The following ZNF292 variants were observed in gnomAD, a reference collection of about 807,000 sequenced individuals.
ZNF292 encodes the protein 16 zinc-finger domain protein.
Under a neutral mutation model 217.9 loss-of-function variants are expected in ZNF292, and 26 were observed. The ratio of observed to expected loss-of-function variants is 0.12; its 90% CI spans 0.09 to 0.17. The LOEUF is 0.17. Among genes scored for constraint, ZNF292 ranks in the 10% least tolerant of loss-of-function variants. The pLI is 1.00. For synonymous variants in ZNF292, 1,257 were observed against 1,124.1 expected, an observed-to-expected ratio of 1.12 and a Z score of -2.37; for missense variants, 2,904 against 3,175.2, an observed-to-expected ratio of 0.91 and a Z score of 2.05.
chr6:87,157,261 T>A (rs1770573793), intron 1 of ZNF292, among the ~76,000 whole-genome samples: 1 of 152,224 alleles, frequency 6.6e-6, no homozygotes, highest in Admixed American at 6.5e-5. Flanking sequence ...TAAATAGGTC[T>A]GGTGAGTACC....
In ZNF292 at chr6:87,257,235, A is replaced by C; in HGVS notation, c.3606A>C (p.Pro1202=). The C allele has an allele frequency of 6.2e-7, 1 of 1,613,822 alleles. No individual in the cohort carries two copies. Among genetic ancestry groups the C allele is most frequent in the Non-Finnish European group, 8.5e-7 (1 of 1,179,832 alleles). The change falls in exon 8 of 8, where the codon CCA becomes CCC. Residue 1202 remains proline, a synonymous_variant. Transcript: ENST00000369577. The stretch of plus-strand genomic sequence containing the variant: ...CTCATTTAGCAAGTGTGTCAACTCC[A>C]TTGTTGTCCTCAATGGAAAGTGTCA... ...FPAHLASVST[P]LLSSMESVIN... is the part of the protein sequence containing the mutation.
chr6:87,232,265 G>GT (rs2127823068), intron 4 of ZNF292, among the ~76,000 whole-genome samples: 1 of 152,188 alleles, frequency 6.6e-6, no homozygotes, highest in South Asian at 2.1e-4. Flanking sequence ...GTGGAGTACA[G>GT]TTAGATCTAA....
At chr6:87,221,078 G>A (rs967711552) in intron 4 of ZNF292, among the ~76,000 whole-genome samples, 7 of 152,118 alleles carry the variant, frequency 4.6e-5, no homozygotes, top group Admixed American at 3.9e-4. Context: ...TTAATTCTGA[G>A]TTATTTTAGT....
At chr6:87,204,859 T>C (rs1032868086) in intron 1 of ZNF292, among the ~76,000 whole-genome samples, 2 of 152,098 alleles carry the variant, frequency 1.3e-5, no homozygotes, top group Non-Finnish European at 2.9e-5. Flanking sequence ...CCACTGCGCC[T>C]GGCCACATTT....
Position 87,256,302 on chromosome 6 carries a change from T to C in ZNF292, c.2673T>C (p.Asp891=). 2.5e-6 allele frequency: 4 copies of C among 1,613,614 alleles called. No homozygotes were observed. In the South Asian group the frequency reaches 4.4e-5, roughly 18 times the overall value. The change falls in exon 8 of 8, where the codon GAT becomes GAC. Residue 891 remains aspartate, a synonymous_variant. Transcript: ENST00000369577. ...SLLADRSDAW[D]KSKAESAVTK... Reference sequence around the variant, plus strand: ...TAGCAGATAGAAGTGATGCTTGGGATAAAAGCAAAGCAGAATCAGCTGTGA... The same window carrying C: ...TAGCAGATAGAAGTGATGCTTGGGACAAAAGCAAAGCAGAATCAGCTGTGA...
intron 4 of ZNF292, among the ~76,000 whole-genome samples, chr6:87,222,353 C>G (rs1045340265): frequency 2.0e-5 from 3 of 152,036 alleles, no homozygotes; most frequent in Non-Finnish European, 4.4e-5. Flanking sequence ...ATCAAATATA[C>G]CTATTTTCCC....
In ZNF292 at chr6:87,225,191, A is replaced by G. The variant is rs370363380; in HGVS notation, c.538+6460A>G. On this transcript the variant is annotated intron_variant, in intron 4 of 7. Coordinates refer to ENST00000369577, the MANE Select transcript of ZNF292 (RefSeq NM_015021.3). ...AGGCATCTGTTCAGATCTCTTGCCTATTTCTTAATTGGGTTGTTTGTTTTC... is the reference window on the plus strand; with the variant it reads ...AGGCATCTGTTCAGATCTCTTGCCTGTTTCTTAATTGGGTTGTTTGTTTTC... 1.3e-4 allele frequency among the ~76,000 whole-genome samples: 20 copies of G among 152,072 alleles called. No individual in the cohort carries two copies. In the East Asian group the frequency reaches 2.1e-3, roughly 16 times the overall value.
At chr6:87,205,810 T>A (rs912446567) in intron 1 of ZNF292, among the ~76,000 whole-genome samples, 5 of 152,192 alleles carry the variant, frequency 3.3e-5, no homozygotes, top group Admixed American at 2.6e-4. Flanking sequence ...GTCATTTATT[T>A]CTCATCTCAG....
At chr6:87,183,206 G>T (rs1771522563) in intron 1 of ZNF292, among the ~76,000 whole-genome samples, 1 of 152,286 alleles carries the variant, frequency 6.6e-6, no homozygotes, top group Non-Finnish European at 1.5e-5. Context: ...CAGTAAGGGT[G>T]TTAAGTACTA....
At chr6:87,226,284 T>C (rs991800587) in intron 4 of ZNF292, among the ~76,000 whole-genome samples, 2 of 152,146 alleles carry the variant, frequency 1.3e-5, no homozygotes, top group South Asian at 2.1e-4. Flanking sequence ...TTACAAATCA[T>C]TCATGGTTTT....
chr6:87,251,789 TG>T, intron 7 of ZNF292, among the ~76,000 whole-genome samples: 1 of 152,322 alleles, frequency 6.6e-6, no homozygotes, highest in Non-Finnish European at 1.5e-5. Flanking sequence ...GAAAAAAAAT[TG>T]TAAAATATAG....
At chr6:87,218,270 A>G (rs1379227305) in intron 3 of ZNF292, among the ~76,000 whole-genome samples, 1 of 152,148 alleles carries the variant, frequency 6.6e-6, no homozygotes, top group Non-Finnish European at 1.5e-5. Context: ...AACACAGAGG[A>G]TATAAAATGT....
In ZNF292 at chr6:87,194,520, C is replaced by T. The variant is rs532170840; in HGVS notation, c.169-21383C>T. On this transcript the variant is annotated intron_variant, in intron 1 of 7. Transcript: ENST00000369577. ...GGCAAAATCAGGAATAAGGAGACAA[C>T]CATGGATCTAGGGGGGAGGAACTAA... 1.3e-3 allele frequency among the ~76,000 whole-genome samples: 201 copies of T among 152,090 alleles called. 1 individual carries two copies. Among genetic ancestry groups the T allele is most frequent in the Non-Finnish European group, 2.6e-3 (175 of 67,980 alleles).
At chr6:87,184,452 C>A (rs115028202) in intron 1 of ZNF292, among the ~76,000 whole-genome samples, 1 of 147,008 alleles carries the variant, frequency 6.8e-6, no homozygotes, top group Non-Finnish European at 1.5e-5. Flanking sequence ...GAGCTTAGTG[C>A]GCTCAACTTA....
intron 5 of ZNF292, among the ~76,000 whole-genome samples, chr6:87,241,215 C>T (rs549516676): frequency 1.3e-5 from 2 of 152,072 alleles, no homozygotes; most frequent in Admixed American, 6.5e-5. Flanking sequence ...ACCTGGGAGG[C>T]GGAGGTTGCA....
In ZNF292 at chr6:87,227,255, A is replaced by T. The variant is rs376690143; in HGVS notation, c.539-6070A>T. Reference sequence around the variant, plus strand: ...TAGTCTCAATCCTGGCTATAATTAGAATTACCTGGAGAGGTTTTAGATAGA... The same window carrying T: ...TAGTCTCAATCCTGGCTATAATTAGTATTACCTGGAGAGGTTTTAGATAGA... On this transcript the variant is annotated intron_variant, in intron 4 of 7. Coordinates refer to ENST00000369577, the MANE Select transcript of ZNF292 (RefSeq NM_015021.3). 3.5e-4 allele frequency among the ~76,000 whole-genome samples: 53 copies of T among 152,288 alleles called. 2 individuals carry two copies. In the South Asian group the frequency reaches 1.0e-2, roughly 29 times the overall value.
rs184665830 is a variant in ZNF292 at position 87,220,963 on chromosome 6, T to G, written c.538+2232T>G. ...CCTGCAGCAAGTTTGAAGAGAATAA[T>G]AAGAGCCCAGAAAATGAGTATACCT... On this transcript the variant is annotated intron_variant, in intron 4 of 7. Transcript: ENST00000369577. 1.4e-4 allele frequency among the ~76,000 whole-genome samples: 21 copies of G among 152,334 alleles called. No individual in the cohort carries two copies. The South Asian group carries it at 2.9e-3, about 21-fold the overall frequency.
intron 1 of ZNF292, among the ~76,000 whole-genome samples, chr6:87,193,537 C>T (rs1771874993): frequency 6.7e-6 from 1 of 149,486 alleles, no homozygotes; most frequent in Non-Finnish European, 1.5e-5. Context: ...GAGAGACCTT[C>T]CAAAAAAAAA....
At chr6:87,183,304 T>C (rs971649584) in intron 1 of ZNF292, among the ~76,000 whole-genome samples, 1 of 152,116 alleles carries the variant, frequency 6.6e-6, no homozygotes, top group Non-Finnish European at 1.5e-5. Flanking sequence ...GGGAATAAAA[T>C]AATTTAAAAT....
Sources: allele counts gnomAD v4.1 joint callset (sites outside exome capture counted in the v4.1 genomes callset), GRCh38; gene constraint gnomAD v4.1.1; transcripts MANE v1.5; gene names NCBI Gene and HGNC (gene_info 2026-07-23, HGNC 2026-07-21).